Variants in GAS7 observed in about 807,000 individuals in gnomAD.
GAS7 encodes the protein growth arrest-specific protein 7.
In GAS7, 28 loss-of-function variants were observed where a neutral mutation model predicts 71.1. The ratio of observed to expected loss-of-function variants is 0.39; its 90% CI spans 0.29 to 0.54. The LOEUF (loss-of-function observed/expected upper bound fraction) is 0.54. Ranked by LOEUF, GAS7 falls within the 20% of genes least tolerant of loss-of-function variation. The pLI is 0.62. For missense variants in GAS7, 436 were observed against 627.8 expected (o/e 0.69, Z 3.27); for synonymous variants, 258 against 245.8 (o/e 1.05, Z -0.46).
intron 1 of GAS7, among the ~76,000 whole-genome samples, chr17:10,025,003 C>A (rs2072412224): frequency 6.6e-6 from 1 of 152,198 alleles, no homozygotes; most frequent in Non-Finnish European, 1.5e-5. Context: ...AACAAGCCTG[C>A]CTCATAGATG....
intron 1 of GAS7, among the ~76,000 whole-genome samples, chr17:10,085,114 A>C (rs1287490888): frequency 6.6e-6 from 1 of 152,182 alleles, no homozygotes; most frequent in Non-Finnish European, 1.5e-5. Flanking sequence ...ATCTGTTTTC[A>C]GGAGGTTTCC....
intron 5 of GAS7, among the ~76,000 whole-genome samples, chr17:9,957,052 T>C (rs1379155298): frequency 6.6e-6 from 1 of 152,180 alleles, no homozygotes; most frequent in Non-Finnish European, 1.5e-5. Context: ...AGACCTGGGT[T>C]CAAGTCCTGG....
rs369159359 is a variant in GAS7 at position 9,999,692 on chromosome 17, C to T, written c.305-17808G>A. Reference sequence around the variant, plus strand: ...CCCAAGGAAGAGGATGGCCATTTAGCCCCACGGCTCCTTCAGGCACACAGA... The same window carrying T: ...CCCAAGGAAGAGGATGGCCATTTAGTCCCACGGCTCCTTCAGGCACACAGA... On this transcript the variant is annotated intron_variant, in intron 2 of 13. Transcript: ENST00000432992. Among the ~76,000 whole-genome samples, 408 of 152,222 alleles carry T rather than the reference C, an allele frequency of 2.7e-3. 3 individuals are homozygous for T. The highest frequency in any genetic ancestry group is 9.4e-3 in the African/African-American group (389 of 41,536).
chr17:10,093,841 G>C (rs1023078561), intron 1 of GAS7, among the ~76,000 whole-genome samples: 1 of 151,812 alleles, frequency 6.6e-6, no homozygotes, highest in Non-Finnish European at 1.5e-5. Context: ...CTACTACTAC[G>C]TATTTCAATA....
chr17:10,036,697 C>A, intron 1 of GAS7: 1 of 1,293,024 alleles, frequency 7.7e-7, no homozygotes, highest in South Asian at 2.4e-5. Flanking sequence ...CGCTCCAGTG[C>A]TTGCTGGGAA....
intron 1 of GAS7, among the ~76,000 whole-genome samples, chr17:10,068,032 T>C (rs1262524707): frequency 6.6e-6 from 1 of 152,170 alleles, no homozygotes; most frequent in Non-Finnish European, 1.5e-5. Context: ...GAAAACTATT[T>C]TGGGATTGTG....
At chr17:10,054,105 G>T (rs747089225) in intron 1 of GAS7, among the ~76,000 whole-genome samples, 1 of 151,980 alleles carries the variant, frequency 6.6e-6, no homozygotes, top group African/African-American at 2.4e-5. Context: ...TCTGGACCTA[G>T]AAGATTAATC....
chr17:9,943,093 C>T, intron 7 of GAS7, 28 bp downstream of exon 7: 1 of 1,466,670 alleles, frequency 6.8e-7, no homozygotes, highest in Non-Finnish European at 9.6e-7. Flanking sequence ...GTGCCAGGCC[C>T]CAGGGCTGGG....
intron 1 of GAS7, among the ~76,000 whole-genome samples, chr17:10,057,117 G>A (rs2073151116): frequency 6.6e-6 from 1 of 152,220 alleles, no homozygotes; most frequent in South Asian, 2.1e-4. Context: ...CCAGGCTGGA[G>A]TGCAGTGGCG....
At chr17:9,921,303 T>TGC (rs2067798700) in intron 11 of GAS7, among the ~76,000 whole-genome samples, 2 of 151,832 alleles carry the variant, frequency 1.3e-5, no homozygotes, top group Non-Finnish European at 2.9e-5. Context: ...ACCACAGGCA[T>TGC]GCGCCACCAC....
intron 1 of GAS7, among the ~76,000 whole-genome samples, chr17:10,193,332 C>T (rs1320980677): frequency 6.6e-6 from 1 of 151,906 alleles, no homozygotes; most frequent in African/African-American, 2.4e-5. Flanking sequence ...ATTTTACCTC[C>T]CTCTTGGGGT....
chr17:10,057,442 C>T (rs1312641493), intron 1 of GAS7, among the ~76,000 whole-genome samples: 4 of 151,822 alleles, frequency 2.6e-5, no homozygotes, highest in Non-Finnish European at 5.9e-5. Context: ...TCTGCCGGGC[C>T]GCGACCCCGT....
chr17:10,037,209 G>A (rs753584506), intron 1 of GAS7, among the ~76,000 whole-genome samples: 1 of 152,236 alleles, frequency 6.6e-6, no homozygotes, highest in Non-Finnish European at 1.5e-5. Flanking sequence ...ACTGAAAGGG[G>A]CCTGAGGATC....
chr17:10,182,615 G>A (rs1232932488), intron 1 of GAS7, among the ~76,000 whole-genome samples: 1 of 152,182 alleles, frequency 6.6e-6, no homozygotes, highest in African/African-American at 2.4e-5. Flanking sequence ...GGGATAAAAT[G>A]GACAGCCACT....
At chr17:10,155,924 A>G (rs1168327570) in intron 1 of GAS7, among the ~76,000 whole-genome samples, 1 of 151,916 alleles carries the variant, frequency 6.6e-6, no homozygotes, top group African/African-American at 2.4e-5. Context: ...GACACCCCGC[A>G]CTCTCTGAAC....
chr17:10,030,749 T>C (rs1350893365), intron 1 of GAS7, among the ~76,000 whole-genome samples: 1 of 152,196 alleles, frequency 6.6e-6, no homozygotes, highest in Non-Finnish European at 1.5e-5. Flanking sequence ...TATCCAAGTG[T>C]CCTCAGGCCT....
intron 2 of GAS7, among the ~76,000 whole-genome samples, chr17:9,992,693 C>A (rs2070890720): frequency 6.6e-6 from 1 of 151,346 alleles, no homozygotes; most frequent in Non-Finnish European, 1.5e-5. Context: ...CATGCTGGTG[C>A]ACTGCACCCA....
chr17:10,042,071 C>T (rs1335818165), intron 1 of GAS7, among the ~76,000 whole-genome samples: 2 of 152,044 alleles, frequency 1.3e-5, no homozygotes. Context: ...CCAAGACGGG[C>T]AGATCATGAG....
intron 1 of GAS7, among the ~76,000 whole-genome samples, chr17:10,112,338 A>T (rs1389243226): frequency 6.6e-6 from 1 of 152,256 alleles, no homozygotes; most frequent in East Asian, 1.9e-4. Context: ...CAGAAGACAC[A>T]GAACACTGGA....
Sources: allele counts gnomAD v4.1 joint callset (sites outside exome capture counted in the v4.1 genomes callset), GRCh38; gene constraint gnomAD v4.1.1; transcripts MANE v1.5; gene names NCBI Gene and HGNC (gene_info 2026-07-23, HGNC 2026-07-21).